Variants in FAM184A observed in about 807,000 individuals in gnomAD.
FAM184A encodes family with sequence similarity 184 member A.
A neutral mutation model predicts 143.8 loss-of-function variants in FAM184A; 99 were observed. The ratio of observed to expected loss-of-function variants is 0.69; its 90% CI spans 0.58 to 0.81. The LOEUF is 0.81. Ranked by LOEUF, FAM184A falls within the 40% of genes least tolerant of loss-of-function variation. The pLI, the probability that FAM184A is intolerant of heterozygous loss-of-function variation, is 0.00. For synonymous variants in FAM184A, 427 were observed against 446.4 expected (o/e 0.96, Z 0.55); for missense variants, 1,217 against 1,310.5 (o/e 0.93, Z 1.10).
chr6:118,987,251 C>T (rs1265889387), intron 9 of FAM184A, among the ~76,000 whole-genome samples: 1 of 152,292 alleles, frequency 6.6e-6, no homozygotes, highest in East Asian at 1.9e-4. Flanking sequence ...ACTACAATGG[C>T]ATAGAGTTTC....
In FAM184A at chr6:119,020,064, G is replaced by A; in HGVS notation, c.1246C>T (p.Gln416Ter). The change falls in exon 4 of 18, where the codon CAA becomes TAA. Residue 416 changes from glutamine to a stop codon, truncating the protein, a stop_gained. Coordinates refer to ENST00000338891, the MANE Select transcript of FAM184A (RefSeq NM_024581.6). LOFTEE classifies it high-confidence loss of function. ...AAAAAAGCTCTTTCCTCTTCAAGTT[G>A]AGATAATCTCTCATTGACTCTCGAT... ...EKSRVNERLS[Q>*]LEEERAFLRS... The A allele has an allele frequency of 6.2e-7, 1 of 1,608,258 alleles. No individual in the cohort carries two copies. The highest frequency in any genetic ancestry group is 8.5e-7 in the Non-Finnish European group (1 of 1,178,156).
intron 1 of FAM184A, among the ~76,000 whole-genome samples, chr6:119,028,973 G>A (rs1191562888): frequency 6.6e-6 from 1 of 152,210 alleles, no homozygotes. Context: ...TTGGTGACCA[G>A]AGGTGAGGTG....
intron 1 of FAM184A, among the ~76,000 whole-genome samples, chr6:119,128,468 T>G (rs1789432983): frequency 6.6e-6 from 1 of 152,146 alleles, no homozygotes; most frequent in South Asian, 2.1e-4. Context: ...GTGGACTAAT[T>G]GTTTGAGACT....
At chr6:119,091,379 A>G (rs908893495) in intron 1 of FAM184A, among the ~76,000 whole-genome samples, 2 of 152,174 alleles carry the variant, frequency 1.3e-5, no homozygotes, top group East Asian at 1.9e-4. Context: ...CAATGCGTAT[A>G]TCACATCCTA....
chr6:118,993,611 G>T (rs1313421946), intron 9 of FAM184A, among the ~76,000 whole-genome samples: 1 of 152,180 alleles, frequency 6.6e-6, no homozygotes, highest in Non-Finnish European at 1.5e-5. Context: ...AAAACTTAAT[G>T]AATGATATGA....
At chr6:119,029,824 T>C (rs1469446912) in intron 1 of FAM184A, among the ~76,000 whole-genome samples, 1 of 152,122 alleles carries the variant, frequency 6.6e-6, no homozygotes, top group African/African-American at 2.4e-5. Context: ...TATTAATAAA[T>C]AAAATATTAT....
At chr6:119,124,519 T>C (rs1789305707) in intron 1 of FAM184A, among the ~76,000 whole-genome samples, 2 of 152,184 alleles carry the variant, frequency 1.3e-5, no homozygotes, top group South Asian at 4.1e-4. Context: ...AAATTTTACC[T>C]GGGGGTGTAA....
intron 1 of FAM184A, among the ~76,000 whole-genome samples, chr6:119,061,410 C>A (rs948031726): frequency 1.3e-5 from 2 of 151,738 alleles, no homozygotes; most frequent in African/African-American, 4.8e-5. Context: ...GGCTGAAGTG[C>A]AGTGATGCAA....
At chr6:119,066,855 A>C (rs1787469998) in intron 1 of FAM184A, among the ~76,000 whole-genome samples, 1 of 152,214 alleles carries the variant, frequency 6.6e-6, no homozygotes, top group African/African-American at 2.4e-5. Flanking sequence ...AGAAACATCC[A>C]ACCAAATGTG....
intron 15 of FAM184A, 41 bp downstream of exon 15, chr6:118,966,794 T>C (rs994578097): frequency 1.1e-6 from 1 of 932,236 alleles, no homozygotes; most frequent in Non-Finnish European, 1.7e-6. Flanking sequence ...TCAATATCTA[T>C]TGATTACTAA....
intron 9 of FAM184A, among the ~76,000 whole-genome samples, chr6:118,994,158 T>A (rs1318152718): frequency 5.9e-4 from 90 of 152,098 alleles, no homozygotes; most frequent in Non-Finnish European, 1.5e-4. Context: ...TAACACCCAA[T>A]TTGCAGTTCA....
intron 1 of FAM184A, among the ~76,000 whole-genome samples, chr6:119,148,261 G>C (rs896957573): frequency 3.3e-5 from 5 of 152,152 alleles, no homozygotes; most frequent in African/African-American, 1.2e-4. Context: ...TCCTGAGTGA[G>C]GTGCATGGAA....
At chr6:119,088,260 C>G (rs1474868677) in intron 1 of FAM184A, among the ~76,000 whole-genome samples, 1 of 152,038 alleles carries the variant, frequency 6.6e-6, no homozygotes, top group Admixed American at 6.6e-5. Context: ...TTATATTTTG[C>G]CACAATTAAG....
intron 11 of FAM184A, among the ~76,000 whole-genome samples, chr6:118,978,237 A>G (rs1182373633): frequency 1.3e-5 from 2 of 152,228 alleles, no homozygotes; most frequent in Non-Finnish European, 2.9e-5. Context: ...TACTGGGATT[A>G]GAGGTGTGAG....
chr6:119,019,114 A>T (rs550524342), intron 4 of FAM184A, among the ~76,000 whole-genome samples: 1 of 152,328 alleles, frequency 6.6e-6, no homozygotes, highest in Admixed American at 6.5e-5. Flanking sequence ...GGAATGAATG[A>T]GTGCGTAGAA....
intron 12 of FAM184A, 25 bp downstream of exon 12, chr6:118,975,892 C>A: frequency 6.3e-7 from 1 of 1,596,556 alleles, no homozygotes; most frequent in Admixed American, 1.7e-5. Flanking sequence ...AAGAAATCAT[C>A]AGAGTACAGA....
At chr6:118,999,883 G>A (rs1257821548) in intron 9 of FAM184A, among the ~76,000 whole-genome samples, 2 of 152,128 alleles carry the variant, frequency 1.3e-5, no homozygotes, top group African/African-American at 2.4e-5. Flanking sequence ...TCATTACTCA[G>A]TACAAACTGC....
At chr6:119,041,215 C>T (rs1582543295) in intron 1 of FAM184A, among the ~76,000 whole-genome samples, 1 of 152,084 alleles carries the variant, frequency 6.6e-6, no homozygotes, top group South Asian at 2.1e-4. Context: ...AGCCCAAGGC[C>T]GCAGACACAA....
chr6:119,003,143 C>G, intron 8 of FAM184A, 94 bp from the exon 9 acceptor site: 1 of 1,138,328 alleles, frequency 8.8e-7, no homozygotes, highest in East Asian at 2.5e-5. Context: ...CTTAATTAAT[C>G]CTCTTCAAAA....
Sources: allele counts gnomAD v4.1 joint callset (sites outside exome capture counted in the v4.1 genomes callset), GRCh38; gene constraint gnomAD v4.1.1; transcripts MANE v1.5; gene names NCBI Gene and HGNC (gene_info 2026-07-23, HGNC 2026-07-21).